The following USH2A variants were observed in gnomAD, a reference collection of about 807,000 sequenced individuals.
USH2A encodes the protein Usher syndrome 2A (autosomal recessive, mild).
Under a neutral mutation model 538.9 loss-of-function variants are expected in USH2A, and 443 were observed. That is an observed-to-expected ratio of 0.82 (90% CI 0.76 to 0.89). The LOEUF (loss-of-function observed/expected upper bound fraction) is 0.89. USH2A is among the 40% of genes least tolerant of loss of function. USH2A has a pLI of 0.00. For synonymous variants in USH2A, 2,413 were observed against 2,273.5 expected, an observed-to-expected ratio of 1.06 and a Z score of -1.75; for missense variants, 6,633 against 6,324.8, an observed-to-expected ratio of 1.05 and a Z score of -1.65.
intron 47 of USH2A, among the ~76,000 whole-genome samples, chr1:215,828,174 G>A (rs1663208187): frequency 6.6e-6 from 1 of 152,164 alleles, no homozygotes. Flanking sequence ...GATGCCGGGT[G>A]CTGTGTGGGT....
Position 215,855,619 on chromosome 1 carries a change from C to T in USH2A, c.8846-9586G>A, listed in dbSNP as rs190649954. 3.8e-3 allele frequency among the ~76,000 whole-genome samples: 580 copies of T among 152,104 alleles called. 4 individuals are homozygous for T. Among genetic ancestry groups the T allele is most frequent in the African/African-American group, 0.013 (527 of 41,502 alleles). On this transcript the variant is annotated intron_variant, in intron 44 of 71. Transcript: ENST00000307340. ...GCAATTCCCATCAAATTACCATCAA[C>T]ACAATTCCCATCAATGCAATTCCCA...
intron 30 of USH2A, among the ~76,000 whole-genome samples, chr1:216,061,827 C>G (rs901347141): frequency 1.3e-5 from 2 of 152,128 alleles, no homozygotes; most frequent in African/African-American, 4.8e-5. Context: ...AAACTGGAAG[C>G]AAAATGCCAG....
At chr1:216,120,873 G>GT (rs2033124279) in intron 21 of USH2A, among the ~76,000 whole-genome samples, 2 of 152,090 alleles carry the variant, frequency 1.3e-5, no homozygotes, top group South Asian at 2.1e-4. Context: ...CCAAAAAAAA[G>GT]TAAGAATGAG....
At chr1:216,124,618 G>A (rs1259581993) in intron 21 of USH2A, among the ~76,000 whole-genome samples, 2 of 152,110 alleles carry the variant, frequency 1.3e-5, no homozygotes, top group African/African-American at 2.4e-5. Flanking sequence ...ATCAAGATAA[G>A]AACATATTCA....
At chr1:215,887,443 G>T (rs1053409614) in intron 41 of USH2A, among the ~76,000 whole-genome samples, 4 of 152,098 alleles carry the variant, frequency 2.6e-5, no homozygotes, top group African/African-American at 9.7e-5. Context: ...ACATTGCTCA[G>T]TTCATACAAT....
rs781101196 is a variant in USH2A, at chr1:215,817,039, A to C, written c.9528T>G (p.Pro3176=). Residue 3176 remains proline (P), a synonymous_variant, in exon 48 of 72, where the codon CCT becomes CCG. Coordinates refer to ENST00000307340, the MANE Select transcript of USH2A (RefSeq NM_206933.4). ...AGCAAATGTGTCCACAGATAGATTC[A>C]GGTTTTTGACACCTCACTGCCTTGC... is the stretch of plus-strand genomic sequence containing the variant. The part of the protein sequence containing the change: ...ELCKAVRCQK[P]ESICGHICYS... 1.9e-6 allele frequency: 3 copies of C among 1,612,630 alleles called. No homozygotes were observed. The East Asian group carries it at 6.7e-5, about 36-fold the overall frequency.
At chr1:215,647,777 G>A (rs2102642378) in intron 66 of USH2A, 47 bp from the exon 67 acceptor site, 2 of 1,597,216 alleles carry the variant, frequency 1.3e-6, no homozygotes, top group Non-Finnish European at 1.7e-6. Flanking sequence ...AATGGAATTA[G>A]TTTAACTCTC....
intron 52 of USH2A, among the ~76,000 whole-genome samples, chr1:215,785,397 T>C (rs534019656): frequency 6.6e-6 from 1 of 152,346 alleles, no homozygotes; most frequent in South Asian, 2.1e-4. Context: ...CTGTCCCTTT[T>C]GATGATGGCA....
At chr1:215,730,093 C>A (rs1239616384) in intron 60 of USH2A, among the ~76,000 whole-genome samples, 4 of 152,128 alleles carry the variant, frequency 2.6e-5, no homozygotes, top group African/African-American at 9.7e-5. Flanking sequence ...AATGCATACT[C>A]TTTTGGTACT....
intron 9 of USH2A, among the ~76,000 whole-genome samples, chr1:216,304,456 A>T (rs2037275401): frequency 6.6e-6 from 1 of 151,758 alleles, no homozygotes; most frequent in African/African-American, 2.4e-5. Flanking sequence ...TCTAGCACTA[A>T]TTTCTTTTTT....
At chr1:216,333,737 T>C (rs546821792) in intron 4 of USH2A, among the ~76,000 whole-genome samples, 1 of 152,130 alleles carries the variant, frequency 6.6e-6, no homozygotes, top group East Asian at 1.9e-4. Context: ...ATCTCCTACA[T>C]GGGATCTTCA....
intron 11 of USH2A, among the ~76,000 whole-genome samples, chr1:216,251,954 T>A (rs1206051368): frequency 6.6e-6 from 1 of 152,204 alleles, no homozygotes; most frequent in Non-Finnish European, 1.5e-5. Context: ...AACTCCCCTT[T>A]TAGGACTATT....
At chr1:216,342,156 A>G (rs549729126) in intron 4 of USH2A, among the ~76,000 whole-genome samples, 1 of 152,314 alleles carries the variant, frequency 6.6e-6, no homozygotes, top group Non-Finnish European at 1.5e-5. Flanking sequence ...ACAAGAAGAA[A>G]ACAACCCCAT....
intron 3 of USH2A, among the ~76,000 whole-genome samples, chr1:216,370,340 G>A (rs998079297): frequency 8.1e-5 from 12 of 148,518 alleles, no homozygotes; most frequent in Non-Finnish European, 1.8e-4. Flanking sequence ...CAGCCTGGGC[G>A]ACAGAGTGAG....
intron 32 of USH2A, among the ~76,000 whole-genome samples, chr1:216,038,464 G>A (rs1202251441): frequency 1.3e-5 from 2 of 148,408 alleles, no homozygotes; most frequent in African/African-American, 5.1e-5. Context: ...TTCATAATAT[G>A]CATTTTCCAT....
rs141129606 is a variant in USH2A at position 216,086,243 on chromosome 1, G to A, written c.4987+476C>T. 9.9e-5 allele frequency among the ~76,000 whole-genome samples: 15 copies of A among 151,990 alleles called. No homozygotes were observed. In the East Asian group the frequency reaches 1.2e-3, roughly 12 times the overall value. Reference sequence around the variant, plus strand: ...TTAGGCTGGAATTGTCTGTTTATACGCCTGTGACCTCTATTGTGATAAAGA... The same window carrying A: ...TTAGGCTGGAATTGTCTGTTTATACACCTGTGACCTCTATTGTGATAAAGA... On this transcript the variant is annotated intron_variant, in intron 24 of 71. Transcript: ENST00000307340.
chr1:215,953,721 A>G (rs1666991120), intron 37 of USH2A, among the ~76,000 whole-genome samples: 2 of 152,054 alleles, frequency 1.3e-5, no homozygotes, highest in South Asian at 2.1e-4. Flanking sequence ...ATGGGATCTA[A>G]TTAAACTAAA....
At chr1:215,839,652 G>T (rs188135249) in intron 46 of USH2A, among the ~76,000 whole-genome samples, 1 of 152,108 alleles carries the variant, frequency 6.6e-6, no homozygotes, top group Non-Finnish European at 1.5e-5. Flanking sequence ...TCAAATGTTA[G>T]AGAAATGTGC....
intron 11 of USH2A, among the ~76,000 whole-genome samples, chr1:216,278,275 A>T (rs978287342): frequency 6.6e-6 from 1 of 152,124 alleles, no homozygotes; most frequent in South Asian, 2.1e-4. Context: ...CTCAACATAA[A>T]CTGGAGGCTA....
Sources: gnomAD v4.1 joint callset for allele counts (sites outside exome capture counted in the v4.1 genomes callset) on GRCh38, gnomAD v4.1.1 for gene constraint, MANE v1.5 for transcripts, NCBI Gene and HGNC (gene_info 2026-07-23, HGNC 2026-07-21) for gene names.